GLMN: variants seen among roughly 807,000 people sequenced by gnomAD.
GLMN encodes the protein glomulin, FKBP associated protein.
GLMN carries 75 observed loss-of-function variants against 87.8 expected under a neutral mutation model. The observed-to-expected ratio is 0.85, with a 90% CI of 0.71 to 1.04. The LOEUF (loss-of-function observed/expected upper bound fraction) is 1.04, where lower values mean the gene tolerates loss of function less well. Among genes scored for constraint, GLMN ranks in the 50% least tolerant of loss-of-function variants. The probability of loss-of-function intolerance (pLI) is 0.00; values close to 1 mark genes in which losing one functional copy is unlikely to be tolerated. For missense variants in GLMN, 588 were observed against 658.8 expected (o/e 0.89, Z 1.18); for synonymous variants, 206 against 221.6 (o/e 0.93, Z 0.63).
rs1311831012 is a variant in GLMN, at chr1:92,297,467, T to C, written c.102A>G (p.Gln34=). 4 of 1,612,788 alleles carry C rather than the reference T, an allele frequency of 2.5e-6. No homozygotes were observed. The South Asian group carries it at 4.4e-5, about 18-fold the overall frequency. ...EDFGLFQLAG[Q]RCIEEGHTDQ... ...CTGTGTGCCCTTCTTCTATGCATCT[T>C]TGCCCAGCTAACTGAAATAGGCCAA... The change falls in exon 3 of 19, where the codon CAA becomes CAG. Residue 34 remains glutamine, a synonymous_variant. Transcript: ENST00000370360.
chr1:92,331,510 G>T, the GLMN span, among the ~76,000 whole-genome samples: 1 of 151,824 alleles, frequency 6.6e-6, no homozygotes, highest in African/African-American at 2.4e-5. Flanking sequence ...TCATTAAATG[G>T]TTACCCTAAG....
Position 92,247,880 on chromosome 1 carries a change from T to C in GLMN, c.1583A>G (p.Gln528Arg). 1 of 1,135,490 alleles carries C rather than the reference T, an allele frequency of 8.8e-7. No homozygotes were observed. The highest frequency in any genetic ancestry group is 1.5e-5 in the African/African-American group (1 of 65,956). 70.3% of individuals were successfully genotyped at this position (1,135,490 alleles called of 1,614,324 possible). A position where few individuals can be genotyped will look rare whatever the true frequency, so the allele number is the denominator to read the frequency against. Residue 528 changes from glutamine (Q) to arginine (R), a missense_variant and splice_region_variant, in exon 17 of 19, where the codon CAA (glutamine) becomes CGA (arginine). Transcript: ENST00000370360. ...AHYEAEIKNS[Q>R]EAQKSKDLCS... Reference sequence around the variant, plus strand: ...AAACAAAATTGCACATTACCAACCTTGGCTATTTTTAATTTCTGCTTCATA... The same window carrying C: ...AAACAAAATTGCACATTACCAACCTCGGCTATTTTTAATTTCTGCTTCATA...
Position 92,289,057 on chromosome 1 carries a change from T to A in GLMN, c.489A>T (p.Lys163Asn), listed in dbSNP as rs760239360. 8.7e-6 allele frequency: 14 copies of A among 1,611,072 alleles called. No individual in the cohort carries two copies. The change falls in exon 6 of 19, where the codon AAA (lysine) becomes AAT (asparagine). Residue 163 changes from lysine (K) to asparagine (N), a missense_variant. Lys to Asn is a moderately conservative substitution (Grantham distance 94). Coordinates refer to ENST00000370360, the MANE Select transcript of GLMN (RefSeq NM_053274.3). The stretch of plus-strand genomic sequence containing the variant: ...CATAGTCATCCATTTGTATTTGTTC[T>A]TTTGAGTATGGAACAGGAAGAAGAG... ...QLSLLPVPYSKEQIQMDDYGL... is the reference protein window; with the variant it reads ...QLSLLPVPYSNEQIQMDDYGL...
chr1:92,314,449 C>A, the GLMN span, among the ~76,000 whole-genome samples: 7 of 151,570 alleles, frequency 4.6e-5, no homozygotes, highest in Non-Finnish European at 1.0e-4. Flanking sequence ...GATCTCACAA[C>A]TGATAGACTC....
intron 16 of GLMN, among the ~76,000 whole-genome samples, chr1:92,258,734 C>G (rs1320287160): frequency 2.0e-5 from 3 of 152,088 alleles, no homozygotes; most frequent in Non-Finnish European, 2.9e-5. Flanking sequence ...TGGGGAACAT[C>G]ACACACCGGG....
chr1:92,267,799 A>G (rs1655811970), intron 11 of GLMN, 114 bp downstream of exon 11: 2 of 726,304 alleles, frequency 2.8e-6, no homozygotes, highest in Admixed American at 2.0e-5. Context: ...GCATTACACC[A>G]GAGTTTTCAA....
At chr1:92,341,179 T>C in the GLMN span, among the ~76,000 whole-genome samples, 3 of 152,030 alleles carry the variant, frequency 2.0e-5, no homozygotes, top group African/African-American at 7.2e-5. Context: ...CCGCCAATTT[T>C]TGTATTTTTT....
At chr1:92,343,558 T>C in the GLMN span, among the ~76,000 whole-genome samples, 4 of 152,186 alleles carry the variant, frequency 2.6e-5, no homozygotes, top group South Asian at 2.1e-4. Flanking sequence ...TCAGAATTAA[T>C]AGATTTTAAT....
intron 7 of GLMN, among the ~76,000 whole-genome samples, chr1:92,280,178 G>A (rs543412214): frequency 3.3e-5 from 5 of 152,310 alleles, no homozygotes; most frequent in South Asian, 2.1e-4. Flanking sequence ...CCTGACCCCC[G>A]CGTAGCGTGA....
At chr1:92,315,546 A>G in the GLMN span, among the ~76,000 whole-genome samples, 28 of 152,230 alleles carry the variant, frequency 1.8e-4, no homozygotes, top group African/African-American at 6.8e-4. Context: ...GCACAGTTAA[A>G]CAAGGTATGC....
At chr1:92,297,551 C>CA (rs1340387181) in intron 2 of GLMN, 22 bp from the exon 3 acceptor site, 4 of 1,511,924 alleles carry the variant, frequency 2.6e-6, no homozygotes, top group Admixed American at 1.8e-5. Context: ...AAAAAAAACC[C>CA]AAAAAACAAA....
At chr1:92,339,770 C>T in the GLMN span, among the ~76,000 whole-genome samples, 1 of 152,136 alleles carries the variant, frequency 6.6e-6, no homozygotes, top group Non-Finnish European at 1.5e-5. Flanking sequence ...AATCCCAGCA[C>T]TGCAGATATG....
the GLMN span, among the ~76,000 whole-genome samples, chr1:92,356,587 T>TGG: frequency 1.0e-4 from 7 of 68,316 alleles, no homozygotes; most frequent in South Asian, 6.4e-4. Context: ...CCTGGCTAAT[T>TGG]TTTTTTTTTT....
At chr1:92,265,477 A>G (rs1055054932) in intron 13 of GLMN, among the ~76,000 whole-genome samples, 21 of 152,208 alleles carry the variant, frequency 1.4e-4, no homozygotes, top group Admixed American at 5.9e-4. Flanking sequence ...ACAAGAAAAG[A>G]TAGAATCAAG....
chr1:92,342,476 A>G, the GLMN span, among the ~76,000 whole-genome samples: 2 of 152,224 alleles, frequency 1.3e-5, no homozygotes, highest in East Asian at 3.9e-4. Context: ...TCATTCTTTG[A>G]CCTTTACTCT....
chr1:92,306,441 C>CA, the GLMN span, among the ~76,000 whole-genome samples: 283 of 151,984 alleles, frequency 1.9e-3, no homozygotes, highest in African/African-American at 6.4e-3. Context: ...GTAGTGATAG[C>CA]AAAAAAATTA....
chr1:92,341,906 G>A, the GLMN span, among the ~76,000 whole-genome samples: 1,258 of 152,316 alleles, frequency 8.3e-3, 14 homozygotes, highest in African/African-American at 0.029. Context: ...GCCTCCCAAC[G>A]TGCTAGGATT....
At chr1:92,267,065 C>T (rs1202880077) in intron 11 of GLMN, among the ~76,000 whole-genome samples, 1 of 152,100 alleles carries the variant, frequency 6.6e-6, no homozygotes, top group African/African-American at 2.4e-5. Flanking sequence ...AATATGTTAA[C>T]AAAAACCATG....
At chr1:92,333,937 C>T in the GLMN span, among the ~76,000 whole-genome samples, 1 of 152,188 alleles carries the variant, frequency 6.6e-6, no homozygotes, top group Non-Finnish European at 1.5e-5. Flanking sequence ...CTCAACGTTG[C>T]ACTTTAGCTT....
Sources: allele counts gnomAD v4.1 joint callset (sites outside exome capture counted in the v4.1 genomes callset), GRCh38; gene constraint gnomAD v4.1.1; transcripts MANE v1.5; gene names NCBI Gene and HGNC (gene_info 2026-07-23, HGNC 2026-07-21).